The following MVB12B variants were observed in gnomAD, a reference collection of about 807,000 sequenced individuals.
MVB12B encodes multivesicular body subunit 12B.
Under a neutral mutation model 41.6 loss-of-function variants are expected in MVB12B, and 16 were observed. The observed-to-expected ratio is 0.38, with a 90% CI of 0.26 to 0.58. The LOEUF is 0.58. MVB12B is among the 20% of genes least tolerant of loss of function. MVB12B has a pLI of 0.62. For missense variants in MVB12B, 274 were observed against 380.2 expected, an observed-to-expected ratio of 0.72 and a Z score of 2.32; for synonymous variants, 133 against 139.7, an observed-to-expected ratio of 0.95 and a Z score of 0.34.
At chr9:126,342,572 GC>G (rs970082023) in intron 2 of MVB12B, among the ~76,000 whole-genome samples, 20 of 152,324 alleles carry the variant, frequency 1.3e-4, no homozygotes, top group Admixed American at 5.9e-4. Flanking sequence ...AGGGCAAGGG[GC>G]TTGAGCTCAT....
At chr9:126,494,686 G>A (rs1833793929) in intron 9 of MVB12B, among the ~76,000 whole-genome samples, 1 of 152,184 alleles carries the variant, frequency 6.6e-6, no homozygotes, top group South Asian at 2.1e-4. Context: ...AAAGGGTGGG[G>A]AGGGCACCTT....
rs1301634199 is a variant in MVB12B at position 126,389,075 on chromosome 9, G to T, written c.409+2417G>T. ...TGGGCTTGGGGCCCAGCTGCTGTGG[G>T]GCCCAGGGGTCCTGGTTGGGAAGTT... On this transcript the variant is annotated intron_variant, in intron 4 of 9. Coordinates refer to ENST00000361171, the MANE Select transcript of MVB12B (RefSeq NM_033446.3). This position sits in a 1 kb window ranked among gnomAD's most constrained non-coding sequence, Gnocchi z 4.4. 6.6e-6 allele frequency among the ~76,000 whole-genome samples: 1 copy of T among 152,240 alleles called. No homozygotes were observed. Among genetic ancestry groups the T allele is most frequent in the Non-Finnish European group, 1.5e-5 (1 of 68,046 alleles).
At chr9:126,447,338 G>T (rs560183934) in intron 7 of MVB12B, among the ~76,000 whole-genome samples, 4 of 144,450 alleles carry the variant, frequency 2.8e-5, no homozygotes, top group East Asian at 2.0e-4. Context: ...GTCCTTTTTT[G>T]ATTTTTAATA....
At chr9:126,336,267 AG>A (rs1303943475) in intron 1 of MVB12B, among the ~76,000 whole-genome samples, 5 of 152,258 alleles carry the variant, frequency 3.3e-5, no homozygotes, top group Non-Finnish European at 7.3e-5. Flanking sequence ...AATTAAACAG[AG>A]ATGATATCAA....
intron 2 of MVB12B, among the ~76,000 whole-genome samples, chr9:126,372,037 C>CAACT (rs1372540751): frequency 6.6e-6 from 1 of 152,206 alleles, no homozygotes; most frequent in African/African-American, 2.4e-5. Context: ...TTCTCTCCAT[C>CAACT]AACTCTTCCT....
intron 7 of MVB12B, among the ~76,000 whole-genome samples, chr9:126,461,446 T>C (rs1041026036): frequency 6.6e-6 from 1 of 152,226 alleles, no homozygotes; most frequent in East Asian, 1.9e-4. Flanking sequence ...AAAAATTATT[T>C]TATCATCAAC....
intron 5 of MVB12B, among the ~76,000 whole-genome samples, chr9:126,394,102 A>G (rs1171129151): frequency 2.6e-5 from 4 of 152,244 alleles, no homozygotes; most frequent in Non-Finnish European, 5.9e-5. Flanking sequence ...CTCTGTGATC[A>G]TTCCCTTCCT....
chr9:126,381,204 G>A (rs1267027580), intron 3 of MVB12B, 33 bp downstream of exon 3: 2 of 1,425,174 alleles, frequency 1.4e-6, no homozygotes, highest in East Asian at 2.3e-5. Flanking sequence ...TTTGCTGAGT[G>A]AGCACAAGTA....
chr9:126,426,421 G>A (rs200369808), intron 7 of MVB12B, among the ~76,000 whole-genome samples: 11 of 152,072 alleles, frequency 7.2e-5, no homozygotes, highest in Non-Finnish European at 2.9e-5. Flanking sequence ...TCTTTGGAGG[G>A]CCCTCTTCCG....
intron 7 of MVB12B, among the ~76,000 whole-genome samples, chr9:126,431,851 A>G (rs1056104686): frequency 2.0e-5 from 3 of 152,164 alleles, no homozygotes; most frequent in Non-Finnish European, 1.5e-5. Flanking sequence ...CATATCAGCA[A>G]TTGCAGTAAC....
At chr9:126,419,456 C>T (rs1831932934) in intron 6 of MVB12B, among the ~76,000 whole-genome samples, 2 of 152,136 alleles carry the variant, frequency 1.3e-5, no homozygotes, top group Admixed American at 6.5e-5. Context: ...CGCACTGGGC[C>T]GCGCATATTG....
At chr9:126,380,584 C>T (rs180841611) in intron 2 of MVB12B, among the ~76,000 whole-genome samples, 2 of 152,304 alleles carry the variant, frequency 1.3e-5, no homozygotes, top group Admixed American at 1.3e-4. Flanking sequence ...CCTCCCTGCC[C>T]CAGCCTCCAG....
rs979352908 is a variant in MVB12B, at chr9:126,506,914, C to CTTA, written c.*3652_*3654dup. 69 of 152,788 alleles carry CTTA rather than the reference C, an allele frequency of 4.5e-4. No individual in the cohort carries two copies. The highest frequency in any genetic ancestry group is 1.4e-3 in the African/African-American group (60 of 41,582). The allele number at this position is 152,788 out of a possible 1,614,324, so 9.5% of individuals were successfully genotyped here. On this transcript the variant is annotated 3_prime_UTR_variant, in exon 10 of 10. Coordinates refer to ENST00000361171, the MANE Select transcript of MVB12B (RefSeq NM_033446.3). ...GTGTCAGGCCTGGACAAGGAAGACC[C>CTTA]TTAGGGATGACGTCCCCGCTGCATA... is the stretch of plus-strand genomic sequence containing the variant.
At chr9:126,368,364 A>G (rs1415431314) in intron 2 of MVB12B, among the ~76,000 whole-genome samples, 2 of 152,176 alleles carry the variant, frequency 1.3e-5, no homozygotes, top group Admixed American at 1.3e-4. Context: ...TGTGGAGCAA[A>G]CATTGTTATC....
rs568289008 is a variant in MVB12B, at chr9:126,396,432, C to T, written c.662+735C>T. 3 of 985,408 alleles carry T rather than the reference C, an allele frequency of 3.0e-6. No individual in the cohort carries two copies. The African/African-American group carries it at 5.2e-5, about 17-fold the overall frequency. 61.0% of individuals were successfully genotyped at this position (985,408 alleles called of 1,614,324 possible). On this transcript the variant is annotated intron_variant, in intron 6 of 9. Coordinates refer to ENST00000361171, the MANE Select transcript of MVB12B (RefSeq NM_033446.3). ...AGTAAATAAAACAAGAACGGTGAGG[C>T]AGCAACACTTAGGGATTGACATAAC...
intron 2 of MVB12B, among the ~76,000 whole-genome samples, chr9:126,343,296 A>C (rs1190586491): frequency 6.6e-6 from 1 of 152,164 alleles, no homozygotes; most frequent in Non-Finnish European, 1.5e-5. Context: ...CTCCCCTTGC[A>C]GTCAGAGTTG....
chr9:126,505,325 T>G lies in MVB12B; in HGVS notation c.*2062T>G, dbSNP rs1834043077. The G allele has an allele frequency of 2.6e-5, 4 of 152,218 alleles. No homozygotes were observed. The South Asian group carries it at 8.3e-4, about 32-fold the overall frequency. 9.4% of individuals were successfully genotyped at this position (152,218 alleles called of 1,614,324 possible). ...GGGCGGCTGCAGGAGAGGAAGGGGC[T>G]CCCACAGCCCCCACTGATGCCGCTG... is the stretch of plus-strand genomic sequence containing the variant. On this transcript the variant is annotated 3_prime_UTR_variant, in exon 10 of 10. Coordinates refer to ENST00000361171, the MANE Select transcript of MVB12B (RefSeq NM_033446.3).
chr9:126,495,498 G>A (rs567755828), intron 9 of MVB12B, among the ~76,000 whole-genome samples: 1 of 152,268 alleles, frequency 6.6e-6, no homozygotes, highest in Non-Finnish European at 1.5e-5. Flanking sequence ...TCACAAGTAC[G>A]AGAAACGTTT....
chr9:126,351,138 T>A (rs953689411), intron 2 of MVB12B, among the ~76,000 whole-genome samples: 5 of 152,234 alleles, frequency 3.3e-5, no homozygotes, highest in African/African-American at 1.2e-4. Flanking sequence ...TATTTTTAGA[T>A]TTTGAGCAAT....
Sources: gnomAD v4.1 joint callset for allele counts (sites outside exome capture counted in the v4.1 genomes callset) on GRCh38, gnomAD v4.1.1 for gene constraint, Gnocchi (gnomAD v3.1) non-coding constraint, MANE v1.5 for transcripts, NCBI Gene and HGNC (gene_info 2026-07-23, HGNC 2026-07-21) for gene names.